Variants in DPP6 observed in about 807,000 individuals in gnomAD.
DPP6 encodes the protein dipeptidyl peptidase like 6.
DPP6 carries 69 observed loss-of-function variants against 122.6 expected under a neutral mutation model. That is an observed-to-expected ratio of 0.56 (90% CI 0.46 to 0.69). The LOEUF (loss-of-function observed/expected upper bound fraction) is 0.69. Among genes scored for constraint, DPP6 ranks in the 30% least tolerant of loss-of-function variants. DPP6 has a pLI of 0.00. For missense variants in DPP6, 928 were observed against 1,116.9 expected (o/e 0.83, Z 2.41); for synonymous variants, 418 against 433.1 (o/e 0.97, Z 0.43).
intron 8 of DPP6, among the ~76,000 whole-genome samples, chr7:154,750,490 G>A (rs981808331): frequency 4.6e-5 from 7 of 152,230 alleles, no homozygotes; most frequent in African/African-American, 1.7e-4. Context: ...CACTGAGTGC[G>A]TGGGAAGGCA....
chr7:154,347,226 A>G (rs1810477043), intron 1 of DPP6, among the ~76,000 whole-genome samples: 2 of 152,334 alleles, frequency 1.3e-5, no homozygotes, highest in South Asian at 2.1e-4. Flanking sequence ...GTGCACATTC[A>G]CAGAGACTAC....
intron 1 of DPP6, among the ~76,000 whole-genome samples, chr7:154,104,371 G>A (rs1215225076): frequency 1.3e-5 from 2 of 152,252 alleles, no homozygotes; most frequent in African/African-American, 2.4e-5. Flanking sequence ...TAGAAAATTG[G>A]ACATGTATGA....
At chr7:153,802,748 T>C in the DPP6 span, among the ~76,000 whole-genome samples, 1 of 152,354 alleles carries the variant, frequency 6.6e-6, no homozygotes, top group African/African-American at 2.4e-5. Context: ...CTTGTGTCAC[T>C]CATTGAAAAA....
At chr7:154,422,141 G>A (rs1258994189) in intron 1 of DPP6, among the ~76,000 whole-genome samples, 1 of 152,174 alleles carries the variant, frequency 6.6e-6, no homozygotes, top group Non-Finnish European at 1.5e-5. Context: ...GGATCTGTGG[G>A]AATAAATACC....
At chr7:154,400,976 G>A (rs1319794032) in intron 1 of DPP6, among the ~76,000 whole-genome samples, 1 of 152,132 alleles carries the variant, frequency 6.6e-6, no homozygotes. Context: ...GCTGAGGAGG[G>A]CAGATCACGA....
chr7:154,608,229 C>T (rs562204328), intron 5 of DPP6, among the ~76,000 whole-genome samples: 5 of 150,430 alleles, frequency 3.3e-5, no homozygotes, highest in African/African-American at 4.9e-5. Flanking sequence ...TCCGCCCCCT[C>T]GGCCTCCCAA....
intron 7 of DPP6, among the ~76,000 whole-genome samples, chr7:154,673,156 C>T (rs1838675012): frequency 6.6e-6 from 1 of 152,208 alleles, no homozygotes; most frequent in Non-Finnish European, 1.5e-5. Context: ...CAACACACCC[C>T]TCATTGCCAT....
chr7:154,756,646 G>T (rs1019046966), intron 8 of DPP6, among the ~76,000 whole-genome samples: 2 of 151,958 alleles, frequency 1.3e-5, no homozygotes, highest in Admixed American at 6.6e-5. Context: ...CCTCCTTAAG[G>T]TGCTGTGTTC....
intron 1 of DPP6, among the ~76,000 whole-genome samples, chr7:154,238,292 T>TA (rs1801349904): frequency 6.6e-6 from 1 of 152,220 alleles, no homozygotes; most frequent in Admixed American, 6.5e-5. Flanking sequence ...AATATAAAGA[T>TA]ACGTACTTTT....
At chr7:153,957,467 AAGTT>A (rs1220338032) in intron 1 of DPP6, among the ~76,000 whole-genome samples, 1 of 152,132 alleles carries the variant, frequency 6.6e-6, no homozygotes, top group Non-Finnish European at 1.5e-5. Flanking sequence ...GAATAAACCT[AAGTT>A]AGTCCACTTC....
At chr7:154,682,489 G>C (rs528402186) in intron 7 of DPP6, among the ~76,000 whole-genome samples, 1 of 152,226 alleles carries the variant, frequency 6.6e-6, no homozygotes, top group Non-Finnish European at 1.5e-5. Context: ...TGAAATTGGG[G>C]TCGGCCCTCA....
At chr7:154,580,897 G>C (rs777359599) in intron 5 of DPP6, among the ~76,000 whole-genome samples, 6 of 152,148 alleles carry the variant, frequency 3.9e-5, no homozygotes, top group Non-Finnish European at 5.9e-5. Context: ...AAAAAGGAGA[G>C]AAAAGTCAAC....
intron 1 of DPP6, among the ~76,000 whole-genome samples, chr7:153,942,902 A>AT (rs1490440572): frequency 6.6e-6 from 1 of 152,174 alleles, no homozygotes; most frequent in Non-Finnish European, 1.5e-5. Flanking sequence ...TGACTGTTGA[A>AT]TGCCCATGCT....
chr7:154,001,976 T>A (rs1300275447), intron 1 of DPP6, among the ~76,000 whole-genome samples: 1 of 151,758 alleles, frequency 6.6e-6, no homozygotes, highest in African/African-American at 2.4e-5. Context: ...GGTTTCATTG[T>A]CTGTGCCACT....
intron 1 of DPP6, among the ~76,000 whole-genome samples, chr7:154,356,628 C>G (rs937549161): frequency 1.3e-5 from 2 of 152,020 alleles, no homozygotes; most frequent in African/African-American, 4.8e-5. Context: ...AATAGTCAGA[C>G]AATTCTATCT....
chr7:154,708,281 AT>A (rs1200234176), intron 7 of DPP6, among the ~76,000 whole-genome samples: 1 of 152,182 alleles, frequency 6.6e-6, no homozygotes, highest in Non-Finnish European at 1.5e-5. Flanking sequence ...TTGAAGGCCA[AT>A]TATACTTTAT....
chr7:154,032,506 A>C (rs1409458681), intron 1 of DPP6, among the ~76,000 whole-genome samples: 1 of 152,202 alleles, frequency 6.6e-6, no homozygotes, highest in Non-Finnish European at 1.5e-5. Flanking sequence ...CTAAGCCCAG[A>C]CAGCCATTTC....
At chr7:154,164,608 C>T (rs908043520) in intron 1 of DPP6, among the ~76,000 whole-genome samples, 12 of 152,120 alleles carry the variant, frequency 7.9e-5, no homozygotes, top group Non-Finnish European at 1.3e-4. Flanking sequence ...ATCCAATATC[C>T]ATTAGCAGTC....
chr7:154,664,542 C>T (rs1464565499), intron 6 of DPP6, among the ~76,000 whole-genome samples: 1 of 152,072 alleles, frequency 6.6e-6, no homozygotes, highest in Non-Finnish European at 1.5e-5. Context: ...TGTCTCTAAA[C>T]TTTCAAAAGG....
Sources: allele counts gnomAD v4.1 joint callset (sites outside exome capture counted in the v4.1 genomes callset), GRCh38; gene constraint gnomAD v4.1.1; transcripts MANE v1.5; gene names NCBI Gene and HGNC (gene_info 2026-07-23, HGNC 2026-07-21).